CCDC163: variants seen among roughly 807,000 people sequenced by gnomAD.
CCDC163 encodes transmembrane protein CCDC163.
In CCDC163, 13 loss-of-function variants were observed where a neutral mutation model predicts 8.2. The ratio of observed to expected loss-of-function variants is 1.59; its 90% CI spans 1.04 to 2.54. The LOEUF (loss-of-function observed/expected upper bound fraction) is 2.54. CCDC163 is among the 30% of genes most tolerant of loss of function. CCDC163 has a pLI of 0.00. For synonymous variants in CCDC163, 41 were observed against 30.9 expected (o/e 1.33, Z -1.08); for missense variants, 117 against 78.6 (o/e 1.49, Z -1.85).
chr1:45,495,441 C>A, intron 4 of CCDC163: 1 of 702,812 alleles, frequency 1.4e-6, no homozygotes, highest in South Asian at 1.5e-5. Flanking sequence ...AAGTTCCCAG[C>A]TACTGTTACT....
rs754641033 is a variant in CCDC163, at chr1:45,496,641, T to A, written c.263-18A>T. On this transcript the variant is annotated intron_variant, in intron 3 of 4. Coordinates refer to ENST00000629482, the MANE Select transcript of CCDC163 (RefSeq NM_001102601.3). ...GTGCTGGCCTGCAGATGAGAGAGAATGTAAGGGGGCTGTTCCCCAACTTCT... is the reference window on the plus strand; with the variant it reads ...GTGCTGGCCTGCAGATGAGAGAGAAAGTAAGGGGGCTGTTCCCCAACTTCT... The A allele has an allele frequency of 1.3e-6, 1 of 776,280 alleles. No individual in the cohort carries two copies. Among genetic ancestry groups the A allele is most frequent in the Non-Finnish European group, 2.4e-6 (1 of 416,140 alleles). 48.1% of individuals were successfully genotyped at this position (776,280 alleles called of 1,614,324 possible).
rs112830160 is a variant in CCDC163 at position 45,493,954 on chromosome 1, T to C, written c.*1105A>G. Reference sequence around the variant, plus strand: ...GATAAAAATTAAATCATAACATTTTTATTTCAGTTAATAAATCTACACACA... The same window carrying C: ...GATAAAAATTAAATCATAACATTTTCATTTCAGTTAATAAATCTACACACA... On this transcript the variant is annotated 3_prime_UTR_variant, in exon 5 of 5. Transcript: ENST00000629482. 4.5e-4 allele frequency: 68 copies of C among 151,844 alleles called. No homozygotes were observed. The highest frequency in any genetic ancestry group is 1.6e-3 in the African/African-American group (66 of 41,300). The allele number at this position is 151,844 out of a possible 1,614,324, so 9.4% of individuals were successfully genotyped here.
Position 45,500,068 on chromosome 1 carries a change from G to A in CCDC163, c.-459C>T, listed in dbSNP as rs1189114668. Reference sequence around the variant, plus strand: ...GAACACAACCGGCGATGGAGGCGGTGGAACTACCTTTCTCTAGAAGAGACA... The same window carrying A: ...GAACACAACCGGCGATGGAGGCGGTAGAACTACCTTTCTCTAGAAGAGACA... On this transcript the variant is annotated 5_prime_UTR_variant, in exon 1 of 5. Coordinates refer to ENST00000629482, the MANE Select transcript of CCDC163 (RefSeq NM_001102601.3). The A allele has an allele frequency of 5.3e-6, 3 of 562,232 alleles. No individual in the cohort carries two copies. Among genetic ancestry groups the A allele is most frequent in the Non-Finnish European group, 9.6e-6 (3 of 312,796 alleles). 34.8% of individuals were successfully genotyped at this position (562,232 alleles called of 1,614,324 possible).
At chr1:45,496,989 C>A (rs960749646) in intron 3 of CCDC163, among the ~76,000 whole-genome samples, 2 of 152,112 alleles carry the variant, frequency 1.3e-5, no homozygotes, top group African/African-American at 4.8e-5. Flanking sequence ...GGTGAAACCC[C>A]ATTTCTACTA....
chr1:45,497,643 C>A (rs1429004135), intron 2 of CCDC163, among the ~76,000 whole-genome samples: 452 of 74,524 alleles, frequency 6.1e-3, no homozygotes, highest in East Asian at 8.1e-3. Context: ...TCTGCCCGGC[C>A]GCCACCCCGT....
At position 45,500,001 on chromosome 1, in the gene CCDC163, G is replaced by A; in HGVS notation, c.-392C>T. 1 of 502,288 alleles carries A rather than the reference G, an allele frequency of 2.0e-6. No individual in the cohort carries two copies. Among genetic ancestry groups the A allele is most frequent in the Non-Finnish European group, 3.6e-6 (1 of 275,258 alleles). 31.1% of individuals were successfully genotyped at this position (502,288 alleles called of 1,614,324 possible). On this transcript the variant is annotated 5_prime_UTR_variant, in exon 1 of 5. Coordinates refer to ENST00000629482, the MANE Select transcript of CCDC163 (RefSeq NM_001102601.3). The stretch of plus-strand genomic sequence containing the variant: ...GGTTTTGAAAGTCCGACTTTGGACT[G>A]GCTGCCGCAGCGCCACCTGGGAAAC...
At chr1:45,495,266 G>C in intron 4 of CCDC163, 100 bp from the exon 5 acceptor site, 1 of 744,140 alleles carries the variant, frequency 1.3e-6, no homozygotes, top group Non-Finnish European at 2.5e-6. Context: ...GGGACATAGA[G>C]GACTGACAGG....
chr1:45,498,648 TG>T (rs1425436533), intron 2 of CCDC163: 1 of 153,170 alleles, frequency 6.5e-6, no homozygotes, highest in Non-Finnish European at 1.5e-5. Context: ...GATGCTGTAG[TG>T]GGACAAGTTA....
Position 45,496,439 on chromosome 1 carries a change from G to C in CCDC163, c.330+117C>G, listed in dbSNP as rs1006769604. On this transcript the variant is annotated intron_variant, in intron 4 of 4. Transcript: ENST00000629482. ...AGAGAGAGTCAGCACAGGGAAGAGA[G>C]GAATGAAGACAGGGGCAGGAGAGGG... is the stretch of plus-strand genomic sequence containing the variant. 8.5e-6 allele frequency: 6 copies of C among 706,902 alleles called. No individual in the cohort carries two copies. In the African/African-American group the frequency reaches 8.7e-5, roughly 10 times the overall value. The allele number at this position is 706,902 out of a possible 1,614,324, so 43.8% of individuals were successfully genotyped here. A position where few individuals can be genotyped will look rare whatever the true frequency, so the allele number is the denominator to read the frequency against.
In CCDC163 at chr1:45,499,805, G is replaced by A. The variant is rs188374041; in HGVS notation, c.-196C>T. ...TCCTGTGACTAGGGAAAGGAAGGACGCTCTTGGGGAACTGGGGGAAAAGCG... is the reference window on the plus strand; with the variant it reads ...TCCTGTGACTAGGGAAAGGAAGGACACTCTTGGGGAACTGGGGGAAAAGCG... On this transcript the variant is annotated 5_prime_UTR_variant, in exon 1 of 5. Coordinates refer to ENST00000629482, the MANE Select transcript of CCDC163 (RefSeq NM_001102601.3). 8 of 593,980 alleles carry A rather than the reference G, an allele frequency of 1.3e-5. No homozygotes were observed. The highest frequency in any genetic ancestry group is 5.6e-5 in the African/African-American group (3 of 53,818). 36.8% of individuals were successfully genotyped at this position (593,980 alleles called of 1,614,324 possible).
chr1:45,496,755 G>T (rs1654185347), intron 3 of CCDC163, 132 bp from the exon 4 acceptor site: 1 of 632,070 alleles, frequency 1.6e-6, no homozygotes, highest in African/African-American at 1.8e-5. Context: ...CTTCCAAGCT[G>T]ACTGAAGAGA....
intron 4 of CCDC163, 110 bp from the exon 5 acceptor site, chr1:45,495,276 G>A (rs759657400): frequency 1.9e-5 from 14 of 732,854 alleles, no homozygotes; most frequent in Non-Finnish European, 3.3e-5. Context: ...GGACTGACAG[G>A]ATAAACAGCA....
chr1:45,498,840 G>A (rs983369527), intron 2 of CCDC163, among the ~76,000 whole-genome samples: 4 of 152,252 alleles, frequency 2.6e-5, no homozygotes, highest in South Asian at 2.1e-4. Flanking sequence ...TGCTGCTCTC[G>A]CTCTTCTAGC....
chr1:45,495,578 G>T, intron 4 of CCDC163: 1 of 674,678 alleles, frequency 1.5e-6, no homozygotes, highest in South Asian at 1.5e-5. Context: ...AAACAGAGAA[G>T]ATAATGATGT....
At chr1:45,496,004 T>G (rs1475877767) in intron 4 of CCDC163, among the ~76,000 whole-genome samples, 1 of 152,184 alleles carries the variant, frequency 6.6e-6, no homozygotes, top group Non-Finnish European at 1.5e-5. Flanking sequence ...GGTACCTCAC[T>G]GACTCTCTAT....
chr1:45,497,750 G>C (rs1643375123), intron 2 of CCDC163, among the ~76,000 whole-genome samples: 1 of 23,936 alleles, frequency 4.2e-5, no homozygotes, highest in Non-Finnish European at 8.6e-5. Context: ...CCGTCTGGGA[G>C]GGAGGTGGGG....
intron 2 of CCDC163, among the ~76,000 whole-genome samples, chr1:45,497,678 C>T (rs1557600229): frequency 2.6e-5 from 2 of 77,954 alleles, no homozygotes; most frequent in Non-Finnish European, 2.5e-5. Context: ...GCGTCTCCGC[C>T]CGGCAGCCAC....
chr1:45,497,276 GC>G (rs771207266), intron 3 of CCDC163, 22 bp downstream of exon 3: 3 of 771,216 alleles, frequency 3.9e-6, no homozygotes, highest in Non-Finnish European at 7.3e-6. Flanking sequence ...ACGCATATTC[GC>G]CCCCAACCAC....
In CCDC163 at chr1:45,493,922, C is replaced by T. The variant is rs1333923212; in HGVS notation, c.*1137G>A. On this transcript the variant is annotated 3_prime_UTR_variant, in exon 5 of 5. Transcript: ENST00000629482. The stretch of plus-strand genomic sequence containing the variant: ...ATAGAAAATATCAGTGTATCACTCC[C>T]ACTAAGGATAAAAATTAAATCATAA... 6.6e-6 allele frequency: 1 copy of T among 152,194 alleles called. No individual in the cohort carries two copies. The highest frequency in any genetic ancestry group is 1.9e-4 in the East Asian group (1 of 5,204). 9.4% of individuals were successfully genotyped at this position (152,194 alleles called of 1,614,324 possible). A position where few individuals can be genotyped will look rare whatever the true frequency, so the allele number is the denominator to read the frequency against.
Sources: gnomAD v4.1 joint callset for allele counts (sites outside exome capture counted in the v4.1 genomes callset) on GRCh38, gnomAD v4.1.1 for gene constraint, MANE v1.5 for transcripts, NCBI Gene and HGNC (gene_info 2026-07-23, HGNC 2026-07-21) for gene names.